The following WARS2 variants were observed in gnomAD, a reference collection of about 807,000 sequenced individuals.
WARS2 encodes the protein tryptophanyl tRNA synthetase 2, mitochondrial.
A neutral mutation model predicts 36.5 loss-of-function variants in WARS2; 28 were observed. The observed-to-expected ratio is 0.77, with a 90% CI of 0.57 to 1.05. WARS2 has a LOEUF of 1.05. WARS2 is among the 50% of genes least tolerant of loss of function. The pLI, the probability that WARS2 is intolerant of heterozygous loss-of-function variation, is 0.00. For missense variants in WARS2, 435 were observed against 456.8 expected (o/e 0.95, Z 0.44); for synonymous variants, 174 against 178.4 (o/e 0.98, Z 0.20).
chr1:119,086,642 G>C (rs1406111564), intron 1 of WARS2, among the ~76,000 whole-genome samples: 1 of 152,112 alleles, frequency 6.6e-6, no homozygotes, highest in Non-Finnish European at 1.5e-5. Flanking sequence ...CATTTTCAAA[G>C]TATTAATATT....
chr1:119,041,567 T>C (rs192979870), intron 4 of WARS2, among the ~76,000 whole-genome samples: 1 of 152,296 alleles, frequency 6.6e-6, no homozygotes, highest in East Asian at 1.9e-4. Context: ...TAAATTTAAT[T>C]CAAATTAAAT....
In WARS2 at chr1:119,135,751, T is replaced by G. The variant is rs28631392; in HGVS notation, c.90+4804A>C. Among the ~76,000 whole-genome samples, 383 of 109,280 alleles carry G rather than the reference T, an allele frequency of 3.5e-3. 1 individual carries two copies. Among genetic ancestry groups the G allele is most frequent in the African/African-American group, 9.8e-3 (311 of 31,790 alleles). 71.7% of individuals were successfully genotyped at this position (109,280 alleles called of 152,430 possible). A position where few individuals can be genotyped will look rare whatever the true frequency, so the allele number is the denominator to read the frequency against. ...ATAGATAGATAGATAGATAGATAGA[T>G]AGAGAGATAGAGAGAGAGAGAGAGA... On this transcript the variant is annotated intron_variant, in intron 1 of 5. Coordinates refer to ENST00000235521, the MANE Select transcript of WARS2 (RefSeq NM_015836.4).
At chr1:119,076,720 C>A in intron 1 of WARS2, 113 bp from the exon 2 acceptor site, 1 of 1,430,356 alleles carries the variant, frequency 7.0e-7, no homozygotes, top group East Asian at 2.3e-5. Context: ...TACAATCTGA[C>A]AGTCATCATC....
At chr1:119,093,828 G>A (rs952421953) in intron 1 of WARS2, among the ~76,000 whole-genome samples, 7 of 152,182 alleles carry the variant, frequency 4.6e-5, no homozygotes, top group African/African-American at 1.7e-4. Flanking sequence ...AGGTAAGTAA[G>A]GTCAGTTGTT....
chr1:119,137,266 T>A (rs587622487), intron 1 of WARS2, among the ~76,000 whole-genome samples: 1 of 152,180 alleles, frequency 6.6e-6, no homozygotes, highest in East Asian at 1.9e-4. Context: ...ACTCTGTAAA[T>A]CTAAAATTAT....
intron 1 of WARS2, among the ~76,000 whole-genome samples, chr1:119,101,614 T>C (rs940248673): frequency 1.3e-5 from 2 of 152,202 alleles, no homozygotes; most frequent in African/African-American, 4.8e-5. Flanking sequence ...TCCTCAAATC[T>C]GCAATCTTGG....
At chr1:119,085,969 A>G in intron 1 of WARS2, 1 of 1,609,218 alleles carries the variant, frequency 6.2e-7, no homozygotes, top group Non-Finnish European at 8.5e-7. Flanking sequence ...ACGGGCCCAA[A>G]CTCAGCGTTC....
chr1:119,052,092 A>G (rs1649414538), intron 2 of WARS2, among the ~76,000 whole-genome samples: 1 of 152,042 alleles, frequency 6.6e-6, no homozygotes, highest in Admixed American at 6.6e-5. Context: ...GAGATGGGCT[A>G]ATTTTTAATA....
intron 1 of WARS2, among the ~76,000 whole-genome samples, chr1:119,103,682 T>C (rs909866428): frequency 1.3e-5 from 2 of 151,858 alleles, no homozygotes; most frequent in Admixed American, 6.6e-5. Flanking sequence ...CATAGAACTA[T>C]ATAAATTAAA....
intron 2 of WARS2, among the ~76,000 whole-genome samples, chr1:119,052,347 C>A (rs973337386): frequency 1.3e-5 from 2 of 152,170 alleles, no homozygotes; most frequent in Non-Finnish European, 2.9e-5. Context: ...CTCAGAAATT[C>A]TCATTTATTG....
At chr1:119,057,639 C>T (rs945321631) in intron 2 of WARS2, among the ~76,000 whole-genome samples, 1 of 151,536 alleles carries the variant, frequency 6.6e-6, no homozygotes, top group Non-Finnish European at 1.5e-5. Flanking sequence ...ACAATATAAT[C>T]ATTAGCCAGG....
At chr1:119,095,276 GCTACACTGCTATATATAATTTAT>G (rs766791297) in intron 1 of WARS2, among the ~76,000 whole-genome samples, 55 of 152,056 alleles carry the variant, frequency 3.6e-4, no homozygotes, top group Non-Finnish European at 6.6e-4. Flanking sequence ...TAGAGAGAAA[GCTACACTGCTATATATAATTTAT>G]TAACTTAGTA....
Position 119,042,055 on chromosome 1 carries a change from C to A in WARS2, c.515+209G>T, listed in dbSNP as rs72705385. Among the ~76,000 whole-genome samples the A allele has an allele frequency of 1.1e-3, 164 of 152,274 alleles. 1 individual carries two copies. The highest frequency in any genetic ancestry group is 6.8e-3 in the Middle Eastern group (2 of 292). On this transcript the variant is annotated intron_variant, in intron 4 of 5. Coordinates refer to ENST00000235521, the MANE Select transcript of WARS2 (RefSeq NM_015836.4). ...AGCTCTTAATATTATTAGTTTCTCACAGAAACATACTTCTATAATGTAGTA... is the reference window on the plus strand; with the variant it reads ...AGCTCTTAATATTATTAGTTTCTCAAAGAAACATACTTCTATAATGTAGTA...
At chr1:119,060,111 A>T (rs1453449582) in intron 2 of WARS2, among the ~76,000 whole-genome samples, 1 of 152,220 alleles carries the variant, frequency 6.6e-6, no homozygotes, top group Non-Finnish European at 1.5e-5. Flanking sequence ...CATATTAACA[A>T]TATTGAGTTT....
chr1:119,106,421 T>C (rs587750846), intron 1 of WARS2, among the ~76,000 whole-genome samples: 62 of 152,330 alleles, frequency 4.1e-4, no homozygotes, highest in African/African-American at 1.5e-3. Flanking sequence ...TATAGTATCA[T>C]GTAGGAGAGT....
chr1:119,107,392 C>G (rs996098868), intron 1 of WARS2, among the ~76,000 whole-genome samples: 6 of 152,054 alleles, frequency 3.9e-5, no homozygotes, highest in Non-Finnish European at 7.4e-5. Flanking sequence ...ATGCTGTCTC[C>G]TACGTGGTTT....
intron 1 of WARS2, among the ~76,000 whole-genome samples, chr1:119,104,858 T>C (rs1654124818): frequency 6.7e-6 from 1 of 149,428 alleles, no homozygotes; most frequent in Non-Finnish European, 1.5e-5. Context: ...CAGCAGGAAA[T>C]GAGGTTGGAA....
chr1:119,062,466 TA>T (rs66984587), intron 2 of WARS2, among the ~76,000 whole-genome samples: 56 of 149,318 alleles, frequency 3.8e-4, no homozygotes, highest in African/African-American at 9.8e-4. Context: ...GCACAGCAAA[TA>T]AAAAAAAAAG....
intron 1 of WARS2, among the ~76,000 whole-genome samples, chr1:119,120,067 G>A (rs1188639662): frequency 6.6e-6 from 1 of 151,886 alleles, no homozygotes; most frequent in Non-Finnish European, 1.5e-5. Flanking sequence ...GATCAGAGCA[G>A]AACTAAATGA....
Sources: gnomAD v4.1 joint callset for allele counts (sites outside exome capture counted in the v4.1 genomes callset) on GRCh38, gnomAD v4.1.1 for gene constraint, MANE v1.5 for transcripts, NCBI Gene and HGNC (gene_info 2026-07-23, HGNC 2026-07-21) for gene names.